TBXAS1: variants seen among roughly 807,000 people sequenced by gnomAD.
TBXAS1 encodes thromboxane A synthase 1.
Under a neutral mutation model 60.7 loss-of-function variants are expected in TBXAS1, and 48 were observed. The observed-to-expected ratio is 0.79, with a 90% CI of 0.63 to 1.01. The LOEUF (loss-of-function observed/expected upper bound fraction) is 1.01, where lower values mean the gene tolerates loss of function less well. Ranked by LOEUF, TBXAS1 falls within the 50% of genes least tolerant of loss-of-function variation. The pLI, the probability that TBXAS1 is intolerant of heterozygous loss-of-function variation, is 0.00. For synonymous variants in TBXAS1, 287 were observed against 269.7 expected (o/e 1.06, Z -0.63); for missense variants, 685 against 686.3 (o/e 1.00, Z 0.02).
At chr7:139,928,325 G>C (rs1158839558) in intron 4 of TBXAS1, among the ~76,000 whole-genome samples, 1 of 152,146 alleles carries the variant, frequency 6.6e-6, no homozygotes, top group Non-Finnish European at 1.5e-5. Flanking sequence ...GTCCCACTTG[G>C]TCTTAATGAA....
chr7:139,832,375 CA>C (rs544804008), intron 1 of TBXAS1, among the ~76,000 whole-genome samples: 197 of 151,116 alleles, frequency 1.3e-3, no homozygotes, highest in African/African-American at 4.6e-3. Flanking sequence ...AGCTCAAAGA[CA>C]AGGTCTTTGA....
chr7:139,982,632 T>C (rs1488565709), intron 9 of TBXAS1, among the ~76,000 whole-genome samples: 1 of 152,216 alleles, frequency 6.6e-6, no homozygotes, highest in African/African-American at 2.4e-5. Context: ...TCACCTTCTA[T>C]GTACAATCTG....
At chr7:139,978,536 T>G (rs1246744301) in intron 9 of TBXAS1, among the ~76,000 whole-genome samples, 1 of 150,948 alleles carries the variant, frequency 6.6e-6, no homozygotes. Flanking sequence ...AAAAAAGAAA[T>G]AAAGAAGAAT....
At chr7:139,929,257 G>A (rs1219455421) in intron 4 of TBXAS1, among the ~76,000 whole-genome samples, 3 of 152,226 alleles carry the variant, frequency 2.0e-5, no homozygotes, top group African/African-American at 7.2e-5. Context: ...GCAATGGTGA[G>A]CGCACACTTG....
At chr7:139,977,179 G>A (rs1811625588) in intron 9 of TBXAS1, among the ~76,000 whole-genome samples, 1 of 152,160 alleles carries the variant, frequency 6.6e-6, no homozygotes, top group South Asian at 2.1e-4. Flanking sequence ...TTTTCACGCT[G>A]CTGATAAAGA....
At chr7:139,949,643 C>G (rs1227665983) in intron 5 of TBXAS1, among the ~76,000 whole-genome samples, 1 of 152,178 alleles carries the variant, frequency 6.6e-6, no homozygotes, top group Admixed American at 6.5e-5. Flanking sequence ...GAAAAGCATA[C>G]AGTAGTCATG....
chr7:139,911,348 A>C, intron 4 of TBXAS1, 27 bp downstream of exon 4: 1 of 1,567,328 alleles, frequency 6.4e-7, no homozygotes, highest in Non-Finnish European at 8.8e-7. Context: ...CCGCATATAG[A>C]TGGATGGGGA....
At chr7:139,872,395 C>A in intron 2 of TBXAS1, 67 bp downstream of exon 2, 2 of 1,503,040 alleles carry the variant, frequency 1.3e-6, no homozygotes, top group Non-Finnish European at 1.8e-6. Context: ...TGGCTCATGG[C>A]TGTAATCCCA....
intron 11 of TBXAS1, chr7:140,016,303 G>A (rs531561254): frequency 4.0e-6 from 1 of 251,684 alleles, no homozygotes; most frequent in Non-Finnish European, 7.6e-6. Flanking sequence ...ACTCCAGCCT[G>A]GGTGACAGAG....
At chr7:139,947,659 T>G (rs1355000168) in intron 5 of TBXAS1, among the ~76,000 whole-genome samples, 1 of 152,210 alleles carries the variant, frequency 6.6e-6, no homozygotes, top group South Asian at 2.1e-4. Context: ...AGGGTGGGGA[T>G]GGTGATTTCC....
intron 4 of TBXAS1, among the ~76,000 whole-genome samples, chr7:139,809,490 G>T (rs1000770884): frequency 6.6e-6 from 1 of 152,150 alleles, no homozygotes; most frequent in Admixed American, 6.6e-5. Context: ...TATGGAGGCT[G>T]AGAAGTCCCA....
chr7:139,856,616 AT>A (rs530497170), intron 1 of TBXAS1, among the ~76,000 whole-genome samples: 61 of 152,350 alleles, frequency 4.0e-4, no homozygotes, highest in African/African-American at 1.3e-3. Flanking sequence ...AGTCATGAAT[AT>A]TTATGAAAGG....
At chr7:139,918,866 G>A (rs1041983693) in intron 4 of TBXAS1, among the ~76,000 whole-genome samples, 6 of 152,152 alleles carry the variant, frequency 3.9e-5, no homozygotes, top group African/African-American at 1.2e-4. Context: ...CAGAGAGAGC[G>A]AAGATGATGT....
At position 139,852,252 on chromosome 7, in the gene TBXAS1, A is replaced by G. The variant is rs1229749550; in HGVS notation, c.90-19983A>G. Among the ~76,000 whole-genome samples the G allele has an allele frequency of 6.6e-6, 1 of 152,224 alleles. No homozygotes were observed. Among genetic ancestry groups the G allele is most frequent in the Non-Finnish European group, 1.5e-5 (1 of 68,034 alleles). ...TAACTAATATAGGTGCTGAGATAGG[A>G]ATGGCTGGGACCAGGCAGGGTCAGG... On this transcript the variant is annotated intron_variant, in intron 1 of 12. Transcript: ENST00000448866. The surrounding 1 kb of genome is among the most constrained non-coding windows in gnomAD (Gnocchi z 4.4).
chr7:139,889,996 T>G (rs867701300), intron 3 of TBXAS1, among the ~76,000 whole-genome samples: 57 of 152,242 alleles, frequency 3.7e-4, no homozygotes, highest in African/African-American at 1.2e-3. Context: ...AGGGTAGGCC[T>G]GGAATCCGGA....
chr7:139,925,155 A>AT (rs1289050314), intron 4 of TBXAS1, among the ~76,000 whole-genome samples: 1 of 152,118 alleles, frequency 6.6e-6, no homozygotes, highest in Non-Finnish European at 1.5e-5. Context: ...TTGTGTTTCC[A>AT]TACATATTTT....
chr7:140,001,587 C>T (rs1444434825), intron 9 of TBXAS1, among the ~76,000 whole-genome samples: 1 of 152,170 alleles, frequency 6.6e-6, no homozygotes, highest in Non-Finnish European at 1.5e-5. Flanking sequence ...GATGGGATTT[C>T]ACCATGTTGC....
At chr7:139,808,504 AATT>A (rs1451503522) in intron 4 of TBXAS1, among the ~76,000 whole-genome samples, 9 of 152,198 alleles carry the variant, frequency 5.9e-5, no homozygotes, top group Middle Eastern at 3.2e-3. Flanking sequence ...TACATAATTT[AATT>A]ATTAATAATG....
intron 9 of TBXAS1, among the ~76,000 whole-genome samples, chr7:139,987,533 C>A (rs867995296): frequency 1.2e-4 from 18 of 152,162 alleles, no homozygotes; most frequent in Admixed American, 6.5e-4. Context: ...ATTATTCTTG[C>A]AGGAGCACGC....
Sources: allele counts gnomAD v4.1 joint callset (sites outside exome capture counted in the v4.1 genomes callset), GRCh38; gene constraint gnomAD v4.1.1; non-coding constraint Gnocchi (gnomAD v3.1); transcripts MANE v1.5; gene names NCBI Gene and HGNC (gene_info 2026-07-23, HGNC 2026-07-21).